The following FAT1 variants were observed in gnomAD, a reference collection of about 807,000 sequenced individuals.
FAT1 encodes the protein protocadherin Fat 1.
In FAT1, 171 loss-of-function variants were observed where a neutral mutation model predicts 329.8. The observed-to-expected ratio is 0.52, with a 90% CI of 0.46 to 0.59. The LOEUF is 0.59. Among genes scored for constraint, FAT1 ranks in the 20% least tolerant of loss-of-function variants. The pLI is 0.00. For missense variants in FAT1, 5,672 were observed against 5,774.4 expected (o/e 0.98, Z 0.57); for synonymous variants, 2,233 against 2,228.6 (o/e 1.00, Z -0.06).
At chr4:186,723,244 C>CAA (rs1745539649) in intron 1 of FAT1, among the ~76,000 whole-genome samples, 1 of 152,262 alleles carries the variant, frequency 6.6e-6, no homozygotes, top group South Asian at 2.1e-4. Flanking sequence ...CTGCAGGGCG[C>CAA]AAACACCCAG....
chr4:186,708,179 T>C lies in FAT1; in HGVS notation c.1649A>G (p.Glu550Gly), dbSNP rs768394919. The change falls in exon 2 of 27, where the codon GAA becomes GGA. Residue 550 changes from glutamate (E) to glycine (G), a missense_variant. Coordinates refer to ENST00000441802, the MANE Select transcript of FAT1 (RefSeq NM_005245.4). ...ASDWGLPYRR[E>G]VEVLATITLN... ...AGTAATTGTAGCAAGGACTTCGACT[T>C]CCCGGCGGTACGGCAAGCCCCAGTC... The C allele has an allele frequency of 2.5e-6, 4 of 1,613,868 alleles. No individual in the cohort carries two copies. In the African/African-American group the frequency reaches 4.0e-5, roughly 16 times the overall value.
chr4:186,694,468 GAACA>G (rs1743934054), intron 2 of FAT1, among the ~76,000 whole-genome samples: 1 of 152,140 alleles, frequency 6.6e-6, no homozygotes, highest in East Asian at 1.9e-4. Flanking sequence ...AGTTGACAAA[GAACA>G]AATGAGTTTT....
At position 186,640,793 on chromosome 4, in the gene FAT1, C is replaced by T. The variant is rs909651159; in HGVS notation, c.3581-1010G>A. ...ACAATTTATAAAATGTATTCTTATG[C>T]TTCACCAAAACCACAAACAAAACTC... On this transcript the variant is annotated intron_variant, in intron 3 of 26. Transcript: ENST00000441802. Among the ~76,000 whole-genome samples, 6 of 152,284 alleles carry T rather than the reference C, an allele frequency of 3.9e-5. 1 individual carries two copies. The highest frequency in any genetic ancestry group is 1.4e-4 in the African/African-American group (6 of 41,554).
intron 2 of FAT1, among the ~76,000 whole-genome samples, chr4:186,696,863 A>C (rs1167175466): frequency 1.3e-5 from 2 of 152,136 alleles, no homozygotes; most frequent in African/African-American, 4.8e-5. Flanking sequence ...GTCTCTAGTA[A>C]AAACAGAAAA....
chr4:186,681,501 G>A (rs1460622330), intron 2 of FAT1, among the ~76,000 whole-genome samples: 4 of 152,098 alleles, frequency 2.6e-5, no homozygotes, highest in Admixed American at 6.5e-5. Flanking sequence ...AGCGGTGTTC[G>A]GAAGAGAACT....
chr4:186,650,021 T>C (rs910196354), intron 3 of FAT1, among the ~76,000 whole-genome samples: 3 of 152,218 alleles, frequency 2.0e-5, no homozygotes, highest in Non-Finnish European at 2.9e-5. Context: ...TGTTAGTGTC[T>C]TCACTTGAAA....
chr4:186,657,028 C>T (rs1741935296), intron 3 of FAT1, among the ~76,000 whole-genome samples: 1 of 152,022 alleles, frequency 6.6e-6, no homozygotes, highest in South Asian at 2.1e-4. Flanking sequence ...CACTAGACAT[C>T]AGGCAAAGAA....
At chr4:186,604,643 CAT>C (rs1244592209) in intron 17 of FAT1, 69 bp from the exon 18 acceptor site, 3 of 975,838 alleles carry the variant, frequency 3.1e-6, no homozygotes, top group African/African-American at 3.3e-5. Context: ...GGGACAGACA[CAT>C]GAGTTTTCTA....
intron 2 of FAT1, among the ~76,000 whole-genome samples, chr4:186,687,767 T>C (rs1235862556): frequency 6.6e-6 from 1 of 152,200 alleles, no homozygotes; most frequent in African/African-American, 2.4e-5. Flanking sequence ...CTCTATATTC[T>C]AAAAATCACA....
intron 2 of FAT1, among the ~76,000 whole-genome samples, chr4:186,671,714 T>A (rs993865756): frequency 1.3e-4 from 19 of 147,798 alleles, no homozygotes; most frequent in East Asian, 3.9e-4. Context: ...AAAATAAAAA[T>A]AAAAATAAAA....
chr4:186,647,403 G>A (rs1466734844), intron 3 of FAT1, among the ~76,000 whole-genome samples: 1 of 152,182 alleles, frequency 6.6e-6, no homozygotes, highest in South Asian at 2.1e-4. Flanking sequence ...CCAGCTAAAT[G>A]CAAAGCTGAG....
At chr4:186,659,850 G>A (rs1193612287) in intron 3 of FAT1, among the ~76,000 whole-genome samples, 1 of 137,480 alleles carries the variant, frequency 7.3e-6, no homozygotes, top group Non-Finnish European at 1.6e-5. Flanking sequence ...ACACACACAA[G>A]CCGGCTGTGG....
At chr4:186,606,244 A>C (rs1190334422) in intron 16 of FAT1, 31 bp from the exon 17 acceptor site, 1 of 1,611,372 alleles carries the variant, frequency 6.2e-7, no homozygotes, top group Non-Finnish European at 8.5e-7. Context: ...ATGCACGTTC[A>C]TTTTCACAAG....
At chr4:186,629,033 C>T (rs1028342094) in intron 7 of FAT1, among the ~76,000 whole-genome samples, 3 of 152,160 alleles carry the variant, frequency 2.0e-5, no homozygotes, top group East Asian at 1.9e-4. Context: ...ACACTTGCCA[C>T]GTCTTTACGT....
intron 3 of FAT1, among the ~76,000 whole-genome samples, chr4:186,657,765 A>G (rs1741973103): frequency 1.3e-5 from 2 of 152,216 alleles, no homozygotes; most frequent in South Asian, 4.1e-4. Flanking sequence ...AAGGACACAC[A>G]TGTCTAAAAG....
chr4:186,648,243 C>T (rs1490654526), intron 3 of FAT1, among the ~76,000 whole-genome samples: 1 of 152,054 alleles, frequency 6.6e-6, no homozygotes, highest in Admixed American at 6.5e-5. Flanking sequence ...TTTATTGTGG[C>T]CATCTTTAAT....
chr4:186,651,980 C>T (rs989305282), intron 3 of FAT1, among the ~76,000 whole-genome samples: 3 of 152,138 alleles, frequency 2.0e-5, no homozygotes, highest in African/African-American at 7.2e-5. Context: ...CATAGACTGG[C>T]GAGGCTGGAA....
At chr4:186,705,836 A>T (rs1744561366) in intron 2 of FAT1, among the ~76,000 whole-genome samples, 1 of 152,196 alleles carries the variant, frequency 6.6e-6, no homozygotes, top group Admixed American at 6.5e-5. Context: ...GAATAAACCT[A>T]CCACACGTCA....
intron 2 of FAT1, among the ~76,000 whole-genome samples, chr4:186,703,074 T>TCTTC (rs1744403275): frequency 6.6e-6 from 1 of 152,128 alleles, no homozygotes; most frequent in South Asian, 2.1e-4. Flanking sequence ...AGACCTCACA[T>TCTTC]GGAAGGGCAG....
Sources: gnomAD v4.1 joint callset for allele counts (sites outside exome capture counted in the v4.1 genomes callset) on GRCh38, gnomAD v4.1.1 for gene constraint, MANE v1.5 for transcripts, NCBI Gene and HGNC (gene_info 2026-07-23, HGNC 2026-07-21) for gene names.